The following TMEM68 variants were observed in gnomAD, a reference collection of about 807,000 sequenced individuals.
TMEM68 encodes the protein DGAT1/2-independent enzyme synthesizing storage lipids.
Under a neutral mutation model 36.9 loss-of-function variants are expected in TMEM68, and 25 were observed. That is an observed-to-expected ratio of 0.68 (90% CI 0.49 to 0.95). The LOEUF (loss-of-function observed/expected upper bound fraction) is 0.95, where lower values mean the gene tolerates loss of function less well. Among genes scored for constraint, TMEM68 ranks in the 40% least tolerant of loss-of-function variants. The probability of loss-of-function intolerance (pLI) is 0.00; values close to 1 mark genes in which losing one functional copy is unlikely to be tolerated. For synonymous variants in TMEM68, 131 were observed against 124.4 expected (o/e 1.05, Z -0.35); for missense variants, 333 against 392.0 (o/e 0.85, Z 1.27).
At chr8:55,741,596 A>G (rs971373244) in intron 7 of TMEM68, among the ~76,000 whole-genome samples, 13 of 152,312 alleles carry the variant, frequency 8.5e-5, no homozygotes, top group South Asian at 4.1e-4. Flanking sequence ...TTCAGACCTG[A>G]GAGCCCACTG....
At chr8:55,773,088 CCGG>C (rs1172955370) in intron 1 of TMEM68, 178 bp downstream of exon 1, 2 of 152,384 alleles carry the variant, frequency 1.3e-5, no homozygotes, top group African/African-American at 4.8e-5. Context: ...AACACTGAGG[CCGG>C]CGGGAAGCCG....
intron 1 of TMEM68, 163 bp downstream of exon 1, chr8:55,773,106 T>G (rs1811243960): frequency 6.6e-6 from 1 of 152,392 alleles, no homozygotes; most frequent in African/African-American, 2.4e-5. Flanking sequence ...AAGCCGAGCC[T>G]GCCCGCGAAG....
intron 1 of TMEM68, among the ~76,000 whole-genome samples, chr8:55,766,940 T>C (rs912535308): frequency 3.9e-5 from 6 of 152,232 alleles, no homozygotes; most frequent in African/African-American, 1.4e-4. Flanking sequence ...GAATCTGAGA[T>C]AATTATATGG....
At chr8:55,754,597 G>A (rs1166263847) in intron 4 of TMEM68, among the ~76,000 whole-genome samples, 7 of 128,850 alleles carry the variant, frequency 5.4e-5, no homozygotes, top group African/African-American at 8.9e-5. Context: ...CATATATTAT[G>A]TAATATATAT....
chr8:55,769,322 C>A (rs1204413948), intron 1 of TMEM68, among the ~76,000 whole-genome samples: 52 of 71,570 alleles, frequency 7.3e-4, no homozygotes, highest in South Asian at 2.8e-3. Flanking sequence ...AATCCCATCT[C>A]AAAAAAAAAA....
At chr8:55,767,941 A>C (rs986478831) in intron 1 of TMEM68, among the ~76,000 whole-genome samples, 2 of 152,156 alleles carry the variant, frequency 1.3e-5, no homozygotes, top group Non-Finnish European at 2.9e-5. Flanking sequence ...AGTCTCAAAA[A>C]AAAAAAAGAA....
intron 1 of TMEM68, among the ~76,000 whole-genome samples, chr8:55,772,487 A>G (rs1389617784): frequency 6.6e-6 from 1 of 152,148 alleles, no homozygotes; most frequent in Non-Finnish European, 1.5e-5. Flanking sequence ...TTATGCCCAC[A>G]TGAACTTTTT....
intron 1 of TMEM68, among the ~76,000 whole-genome samples, chr8:55,768,903 C>A (rs1044415195): frequency 1.3e-4 from 20 of 151,212 alleles, no homozygotes; most frequent in East Asian, 7.8e-4. Flanking sequence ...ATGATCCCAG[C>A]CACTTGGGAG....
intron 6 of TMEM68, 77 bp from the exon 7 acceptor site, chr8:55,743,697 T>C (rs867794157): frequency 1.5e-5 from 20 of 1,348,610 alleles, no homozygotes; most frequent in Middle Eastern, 3.9e-4. Context: ...AAATTAATTA[T>C]GTAGGACTTA....
At chr8:55,764,231 A>T (rs1328084273) in intron 1 of TMEM68, among the ~76,000 whole-genome samples, 1 of 152,240 alleles carries the variant, frequency 6.6e-6, no homozygotes, top group Non-Finnish European at 1.5e-5. Context: ...ATTTATTTTA[A>T]ACAAAGTTTT....
In TMEM68 at chr8:55,762,752, AAAT is replaced by A. The variant is rs762230161; in HGVS notation, c.205_207del (p.Ile69del). The A allele has an allele frequency of 3.1e-6, 5 of 1,613,586 alleles. No individual in the cohort carries two copies. The African/African-American group carries it at 6.7e-5, about 22-fold the overall frequency. On this transcript the variant is annotated inframe_deletion, in exon 3 of 8. Coordinates refer to ENST00000434581, the MANE Select transcript of TMEM68 (RefSeq NM_001286657.2). ...TTCTTTCTCTTATAAATGTGTAAGA[AAAT>A]AATAGTAAGGTAGAGAAGAAAGATA...
intron 1 of TMEM68, among the ~76,000 whole-genome samples, chr8:55,766,469 C>T (rs1018141850): frequency 1.3e-5 from 2 of 151,304 alleles, no homozygotes; most frequent in African/African-American, 2.4e-5. Context: ...CTCCGCCTCC[C>T]GGGTTCACAC....
chr8:55,747,598 G>T (rs1277425562), intron 5 of TMEM68: 3 of 151,842 alleles, frequency 2.0e-5, no homozygotes, highest in Non-Finnish European at 4.4e-5. Context: ...CAAAGTGCTG[G>T]GATTACAGGC....
At chr8:55,763,717 C>CGTGTTTTTATCTTAA (rs1810877868) in intron 2 of TMEM68, 1 of 47,012 alleles carries the variant, frequency 2.1e-5, no homozygotes, top group Non-Finnish European at 5.6e-5. Context: ...CAAAAGAAAA[C>CGTGTTTTTATCTTAA]ATCAATATCT....
At position 55,755,468 on chromosome 8, in the gene TMEM68, C is replaced by T. The variant is rs150457398; in HGVS notation, c.493+776G>A. Reference sequence around the variant, plus strand: ...TGTATTTTTAGTAGAGACGGGGTTTCACCATGTTGGCCAGGCTGGTTTTGA... The same window carrying T: ...TGTATTTTTAGTAGAGACGGGGTTTTACCATGTTGGCCAGGCTGGTTTTGA... On this transcript the variant is annotated intron_variant, in intron 4 of 7. Transcript: ENST00000434581. 1.2e-3 allele frequency among the ~76,000 whole-genome samples: 185 copies of T among 152,070 alleles called. 1 individual carries two copies. Among genetic ancestry groups the T allele is most frequent in the African/African-American group, 4.2e-3 (175 of 41,464 alleles).
intron 1 of TMEM68, among the ~76,000 whole-genome samples, chr8:55,768,572 C>T (rs904601355): frequency 6.6e-6 from 1 of 151,980 alleles, no homozygotes; most frequent in African/African-American, 2.4e-5. Flanking sequence ...AGGCCAGGTG[C>T]GGTGGCTCAC....
intron 4 of TMEM68, among the ~76,000 whole-genome samples, chr8:55,755,270 CTTT>C (rs967473921): frequency 1.4e-5 from 2 of 143,596 alleles, no homozygotes; most frequent in African/African-American, 2.5e-5. Context: ...CAAAATATAT[CTTT>C]TTTTTTTTTT....
rs754426188 is a variant in TMEM68 at position 55,743,447 on chromosome 8, C to A, written c.888+34G>T. 4.7e-4 allele frequency: 704 copies of A among 1,498,538 alleles called. 1 individual carries two copies. Among genetic ancestry groups the A allele is most frequent in the Non-Finnish European group, 5.8e-4 (661 of 1,134,190 alleles). 92.8% of individuals were successfully genotyped at this position (1,498,538 alleles called of 1,614,324 possible). Reference sequence around the variant, plus strand: ...AAATATAATAATTGAAAATAAAAATCTGTCCTAAAACTAAAAAAGAAAAAG... The same window carrying A: ...AAATATAATAATTGAAAATAAAAATATGTCCTAAAACTAAAAAAGAAAAAG... On this transcript the variant is annotated intron_variant, in intron 7 of 7. Coordinates refer to ENST00000434581, the MANE Select transcript of TMEM68 (RefSeq NM_001286657.2).
chr8:55,757,142 C>T (rs928620693), intron 3 of TMEM68, among the ~76,000 whole-genome samples: 2 of 152,138 alleles, frequency 1.3e-5, no homozygotes, highest in African/African-American at 4.8e-5. Context: ...TCTGTAGCCA[C>T]AAGGGAACAT....
Sources: gnomAD v4.1 joint callset for allele counts (sites outside exome capture counted in the v4.1 genomes callset) on GRCh38, gnomAD v4.1.1 for gene constraint, MANE v1.5 for transcripts, NCBI Gene and HGNC (gene_info 2026-07-23, HGNC 2026-07-21) for gene names.